SPATA1: variants seen among roughly 807,000 people sequenced by gnomAD.
SPATA1 encodes the protein spermatogenesis associated 1.
A neutral mutation model predicts 59.6 loss-of-function variants in SPATA1; 57 were observed. That is an observed-to-expected ratio of 0.96 (90% CI 0.77 to 1.19). The LOEUF (loss-of-function observed/expected upper bound fraction) is 1.19, where lower values mean the gene tolerates loss of function less well. Ranked by LOEUF, SPATA1 falls within the 50% of genes most tolerant of loss-of-function variation. The probability of loss-of-function intolerance (pLI) is 0.00; values close to 1 mark genes in which losing one functional copy is unlikely to be tolerated. For synonymous variants in SPATA1, 147 were observed against 163.9 expected, an observed-to-expected ratio of 0.90 and a Z score of 0.79; for missense variants, 448 against 480.7, an observed-to-expected ratio of 0.93 and a Z score of 0.64.
At chr1:84,544,342 G>C in intron 9 of SPATA1, 38 bp downstream of exon 9, 1 of 1,433,376 alleles carries the variant, frequency 7.0e-7, no homozygotes, top group Non-Finnish European at 9.6e-7. Flanking sequence ...ATGATTCTGT[G>C]AGGTAAAGTA....
chr1:84,527,110 G>C (rs1317578594), intron 6 of SPATA1, among the ~76,000 whole-genome samples: 1 of 152,072 alleles, frequency 6.6e-6, no homozygotes, highest in Non-Finnish European at 1.5e-5. Context: ...GTTGGGTTTA[G>C]AATAAATTTA....
intron 2 of SPATA1, among the ~76,000 whole-genome samples, chr1:84,518,460 T>C (rs1028474174): frequency 6.6e-6 from 1 of 152,110 alleles, no homozygotes; most frequent in Non-Finnish European, 1.5e-5. Flanking sequence ...AATATTTTAT[T>C]CAGAGGGAGA....
chr1:84,564,268 T>C (rs1158025132), intron 4 of SPATA1, among the ~76,000 whole-genome samples: 1 of 152,174 alleles, frequency 6.6e-6, no homozygotes, highest in Admixed American at 6.5e-5. Flanking sequence ...GTTTTGCAAA[T>C]ATTCTGTAAG....
chr1:84,522,665 G>A (rs1306651356), intron 4 of SPATA1, among the ~76,000 whole-genome samples, 158 bp downstream of exon 4: 3 of 152,030 alleles, frequency 2.0e-5, no homozygotes, highest in African/African-American at 7.2e-5. Flanking sequence ...GATCAACAAA[G>A]ATAAGTTGCA....
At chr1:84,557,547 A>C (rs1019576852), downstream of SPATA1, among the ~76,000 whole-genome samples, 5 of 132,800 alleles carry the variant, frequency 3.8e-5, no homozygotes, top group Non-Finnish European at 7.6e-5. Context: ...AAAAAAAAAA[A>C]AAAAAAGAAA....
At chr1:84,535,162 A>G (rs765424665) in intron 8 of SPATA1, among the ~76,000 whole-genome samples, 17 of 152,158 alleles carry the variant, frequency 1.1e-4, no homozygotes, top group Non-Finnish European at 2.5e-4. Flanking sequence ...TATAAGATCT[A>G]GGACAACTTC....
At chr1:84,519,927 A>C (rs1251007113) in intron 2 of SPATA1, among the ~76,000 whole-genome samples, 1 of 152,184 alleles carries the variant, frequency 6.6e-6, no homozygotes, top group African/African-American at 2.4e-5. Flanking sequence ...CTATATTTGC[A>C]ATCATTGTTT....
chr1:84,534,797 G>A (rs528301785), intron 8 of SPATA1, among the ~76,000 whole-genome samples: 3 of 152,110 alleles, frequency 2.0e-5, no homozygotes, highest in South Asian at 2.1e-4. Flanking sequence ...ATTCTTCCAC[G>A]GTTATGTCTT....
exon 2 of SPATA1, chr1:84,516,262 A>T (rs1329768127): frequency 8.9e-7 from 1 of 1,117,480 alleles, no homozygotes; most frequent in African/African-American, 1.7e-5. Context: ...AGCCAAAAAA[A>T]ACTATTATAA....
chr1:84,520,664 A>C, exon 3 of SPATA1: 2 of 1,571,384 alleles, frequency 1.3e-6, no homozygotes, highest in Non-Finnish European at 1.7e-6. Flanking sequence ...GAAGTTGTTA[A>C]CAAATTCATT....
intron 6 of SPATA1, among the ~76,000 whole-genome samples, chr1:84,528,576 TCACA>T (rs371870794): frequency 1.3e-5 from 2 of 152,238 alleles, no homozygotes; most frequent in African/African-American, 2.4e-5. Context: ...CATTTTATAC[TCACA>T]CAATTTATTT....
chr1:84,549,841 T>C (rs1273468909), intron 11 of SPATA1: 1 of 150,696 alleles, frequency 6.6e-6, no homozygotes, highest in Non-Finnish European at 1.5e-5. Flanking sequence ...CCAAATAGGC[T>C]CAAGTAATGG....
At chr1:84,556,378 A>G (rs1419449583), downstream of SPATA1, among the ~76,000 whole-genome samples, 1 of 152,134 alleles carries the variant, frequency 6.6e-6, no homozygotes, top group Admixed American at 6.6e-5. Context: ...TGCCAGTAAT[A>G]TTTACAGCAG....
chr1:84,560,546 G>A (rs1367278824), intron 4 of SPATA1, among the ~76,000 whole-genome samples: 2 of 152,172 alleles, frequency 1.3e-5, no homozygotes, highest in Non-Finnish European at 2.9e-5. Context: ...GTAAAATTAT[G>A]ATCAAACACA....
At chr1:84,540,391 T>C (rs1683860402) in intron 8 of SPATA1, among the ~76,000 whole-genome samples, 2 of 152,092 alleles carry the variant, frequency 1.3e-5, no homozygotes, top group African/African-American at 4.8e-5. Context: ...GGCCCCTCTT[T>C]TTTCCTTTTT....
chr1:84,557,115 G>A (rs1421514816), downstream of SPATA1, among the ~76,000 whole-genome samples: 1 of 152,164 alleles, frequency 6.6e-6, no homozygotes, highest in Non-Finnish European at 1.5e-5. Flanking sequence ...CATGGTTAAG[G>A]CATATTTGCT....
At chr1:84,562,388 T>G (rs1684611522) in intron 4 of SPATA1, among the ~76,000 whole-genome samples, 1 of 152,208 alleles carries the variant, frequency 6.6e-6, no homozygotes, top group South Asian at 2.1e-4. Context: ...AGCTCTACAC[T>G]AAAGCTCTCT....
exon 5 of SPATA1, chr1:84,525,724 A>G: frequency 6.3e-7 from 1 of 1,597,182 alleles, no homozygotes; most frequent in Non-Finnish European, 8.5e-7. Flanking sequence ...TCAGAACTGA[A>G]ACTCAAATCA....
intron 4 of SPATA1, among the ~76,000 whole-genome samples, chr1:84,562,084 G>A (rs1439021141): frequency 6.6e-6 from 1 of 152,174 alleles, no homozygotes; most frequent in African/African-American, 2.4e-5. Context: ...TAAGAATGCT[G>A]TGAAACAAGA....
Sources: allele counts gnomAD v4.1 joint callset (sites outside exome capture counted in the v4.1 genomes callset), GRCh38; gene constraint gnomAD v4.1.1; transcripts MANE v1.5; gene names NCBI Gene and HGNC (gene_info 2026-07-23, HGNC 2026-07-21).